HIPK2: variants seen among roughly 807,000 people sequenced by gnomAD.
The protein encoded by HIPK2 is homeodomain-interacting protein kinase 2.
A neutral mutation model predicts 113.7 loss-of-function variants in HIPK2; 27 were observed. The observed-to-expected ratio is 0.24, with a 90% CI of 0.17 to 0.33. The LOEUF is 0.33. HIPK2 is among the 10% of genes least tolerant of loss of function. HIPK2 has a pLI of 1.00. For synonymous variants in HIPK2, 631 were observed against 642.2 expected (o/e 0.98, Z 0.26); for missense variants, 1,257 against 1,588.0 (o/e 0.79, Z 3.54).
chr7:139,595,817 C>T (rs140418695), intron 12 of HIPK2, among the ~76,000 whole-genome samples: 1 of 152,344 alleles, frequency 6.6e-6, no homozygotes, highest in East Asian at 1.9e-4. Context: ...AGTTACATTG[C>T]ATCCAATCAG....
rs1382340894 is a variant in HIPK2 at position 139,600,695 on chromosome 7, G to A, written c.2256-99C>T. 10 of 1,354,306 alleles carry A rather than the reference G, an allele frequency of 7.4e-6. No individual in the cohort carries two copies. The African/African-American group carries it at 1.2e-4, about 16-fold the overall frequency. The allele number at this position is 1,354,306 out of a possible 1,614,324, so 83.9% of individuals were successfully genotyped here. Reference sequence around the variant, plus strand: ...CCTCCCCAATTAAACGCTGACTGCAGTTGGTTATCTCACTAGCTGTGCAGC... The same window carrying A: ...CCTCCCCAATTAAACGCTGACTGCAATTGGTTATCTCACTAGCTGTGCAGC... On this transcript the variant is annotated intron_variant, in intron 10 of 14. Transcript: ENST00000406875.
intron 2 of HIPK2, among the ~76,000 whole-genome samples, chr7:139,712,496 G>A (rs147482368): frequency 1.8e-3 from 278 of 152,302 alleles, no homozygotes; most frequent in African/African-American, 6.2e-3. Flanking sequence ...ACAGGGGGCC[G>A]AGGGGAGAAA....
At position 139,662,597 on chromosome 7, in the gene HIPK2, C is replaced by T. The variant is rs962112174; in HGVS notation, c.1104-30872G>A. ...GTCTCTCCTGTGTACGACTGCCAGG[C>T]GAAGTTTCCTAAAACACCACTTTTT... On this transcript the variant is annotated intron_variant, in intron 2 of 14. Transcript: ENST00000406875. Among the ~76,000 whole-genome samples, 9 of 150,462 alleles carry T rather than the reference C, an allele frequency of 6.0e-5. No individual in the cohort carries two copies. The South Asian group carries it at 8.5e-4, about 14-fold the overall frequency.
chr7:139,766,868 C>G (rs1054649030), intron 1 of HIPK2, among the ~76,000 whole-genome samples: 1 of 152,268 alleles, frequency 6.6e-6, no homozygotes, highest in South Asian at 2.1e-4. Context: ...GCCCCAAGAC[C>G]AAACTGGATG....
In HIPK2 at chr7:139,630,229, C is replaced by T. The variant is rs1379894695; in HGVS notation, c.1347+936G>A. On this transcript the variant is annotated intron_variant, in intron 4 of 14. Coordinates refer to ENST00000406875, the MANE Select transcript of HIPK2 (RefSeq NM_022740.5). The surrounding 1 kb of genome is among the most constrained non-coding windows in gnomAD (Gnocchi z 4.0). ...TGTTTCTGTTAAAGTGAAGCCCCTGCCCCCGGAGTTTCAGGTTTATGGTTA... is the reference window on the plus strand; with the variant it reads ...TGTTTCTGTTAAAGTGAAGCCCCTGTCCCCGGAGTTTCAGGTTTATGGTTA... 6.6e-6 allele frequency among the ~76,000 whole-genome samples: 1 copy of T among 152,070 alleles called. No homozygotes were observed. The highest frequency in any genetic ancestry group is 2.4e-5 in the African/African-American group (1 of 41,410).
intron 2 of HIPK2, among the ~76,000 whole-genome samples, chr7:139,693,628 T>C (rs1484477680): frequency 6.6e-6 from 1 of 152,182 alleles, no homozygotes; most frequent in Non-Finnish European, 1.5e-5. Context: ...CAGATGCTTA[T>C]TAAAATGCCA....
rs1035121929 is a variant in HIPK2, at chr7:139,695,305, G to A, written c.1103+20627C>T. Among the ~76,000 whole-genome samples the A allele has an allele frequency of 4.6e-5, 7 of 152,198 alleles. No homozygotes were observed. The East Asian group carries it at 9.6e-4, about 21-fold the overall frequency. ...CATCAAAGTGACCATCACAGTGGGT[G>A]GCTCAGAACGGAGGGTTAGGCCTCA... On this transcript the variant is annotated intron_variant, in intron 2 of 14. Coordinates refer to ENST00000406875, the MANE Select transcript of HIPK2 (RefSeq NM_022740.5).
Position 139,596,882 on chromosome 7 carries a change from C to T in HIPK2, c.2552G>A (p.Cys851Tyr), listed in dbSNP as rs746097594. ...CCACCCACAGGTGACCGAGGTGCTGCAGGCCGGGCTACTGTGCACCATGGC... is the reference window on the plus strand; with the variant it reads ...CCACCCACAGGTGACCGAGGTGCTGTAGGCCGGGCTACTGTGCACCATGGC... ...RCAMVHSSPA[C>Y]STSVTCGWGD... Residue 851 changes from cysteine to tyrosine, a missense_variant, in exon 12 of 15, where the codon TGC (cysteine) becomes TAC (tyrosine). Transcript: ENST00000406875. 7 of 1,613,952 alleles carry T rather than the reference C, an allele frequency of 4.3e-6. No homozygotes were observed. The highest frequency in any genetic ancestry group is 5.1e-6 in the Non-Finnish European group (6 of 1,179,878).
intron 2 of HIPK2, among the ~76,000 whole-genome samples, chr7:139,680,481 G>GCACCTTACCA (rs1802661186): frequency 6.6e-6 from 1 of 152,164 alleles, no homozygotes; most frequent in Admixed American, 6.5e-5. Flanking sequence ...GGGTTTTGAG[G>GCACCTTACCA]GGATGCTGTT....
chr7:139,723,339 G>A (rs550929342), intron 1 of HIPK2, among the ~76,000 whole-genome samples: 136 of 151,894 alleles, frequency 9.0e-4, no homozygotes, highest in Non-Finnish European at 1.6e-3. Flanking sequence ...GATTATAGAC[G>A]TGCGCCACCA....
chr7:139,577,464 C>A (rs188366442), intron 13 of HIPK2, among the ~76,000 whole-genome samples: 59 of 152,088 alleles, frequency 3.9e-4, no homozygotes, highest in African/African-American at 1.3e-3. Context: ...CACTGGGCTT[C>A]TTTAGGAGCA....
chr7:139,742,796 G>C (rs1452716221), intron 1 of HIPK2, among the ~76,000 whole-genome samples: 1 of 152,096 alleles, frequency 6.6e-6, no homozygotes, highest in Non-Finnish European at 1.5e-5. Context: ...CACATCTAGG[G>C]GTATCTTCTC....
intron 1 of HIPK2, among the ~76,000 whole-genome samples, chr7:139,722,779 C>T (rs1322805697): frequency 6.6e-6 from 1 of 152,058 alleles, no homozygotes; most frequent in Admixed American, 6.6e-5. Context: ...ACTTTGAAAA[C>T]TGGGAAGTCA....
chr7:139,562,553 G>C lies in HIPK2; in HGVS notation c.*10374C>G, dbSNP rs990345759. ...TCAGAGGCTGCAGCTCAGTACACGTGGTCAAAGCAAAACGGGATGGAAACT... is the reference window on the plus strand; with the variant it reads ...TCAGAGGCTGCAGCTCAGTACACGTCGTCAAAGCAAAACGGGATGGAAACT... On this transcript the variant is annotated 3_prime_UTR_variant, in exon 15 of 15. Coordinates refer to ENST00000406875, the MANE Select transcript of HIPK2 (RefSeq NM_022740.5). 2 of 152,196 alleles carry C rather than the reference G, an allele frequency of 1.3e-5. No homozygotes were observed. Among genetic ancestry groups the C allele is most frequent in the African/African-American group, 4.8e-5 (2 of 41,436 alleles). 9.4% of individuals were successfully genotyped at this position (152,196 alleles called of 1,614,324 possible).
intron 2 of HIPK2, among the ~76,000 whole-genome samples, chr7:139,636,587 G>A (rs182624623): frequency 1.7e-3 from 252 of 152,254 alleles, no homozygotes; most frequent in Admixed American, 3.4e-3. Context: ...GAAAAGGGAG[G>A]AAGAGATTGG....
intron 1 of HIPK2, among the ~76,000 whole-genome samples, chr7:139,753,064 C>A (rs1796306530): frequency 6.6e-6 from 1 of 152,216 alleles, no homozygotes; most frequent in Admixed American, 6.5e-5. Context: ...TCTCCTGTCC[C>A]TCTTTACAGT....
intron 2 of HIPK2, among the ~76,000 whole-genome samples, chr7:139,675,182 T>C (rs1366773141): frequency 6.6e-6 from 1 of 150,908 alleles, no homozygotes; most frequent in African/African-American, 2.4e-5. Context: ...TGAGGGAGAG[T>C]ATGTTTTCTT....
At position 139,631,968 on chromosome 7, in the gene HIPK2, C is replaced by T. The variant is rs1330699475; in HGVS notation, c.1104-243G>A. Among the ~76,000 whole-genome samples, 1 of 152,210 alleles carries T rather than the reference C, an allele frequency of 6.6e-6. No homozygotes were observed. Among genetic ancestry groups the T allele is most frequent in the Non-Finnish European group, 1.5e-5 (1 of 68,040 alleles). On this transcript the variant is annotated intron_variant, in intron 2 of 14. Coordinates refer to ENST00000406875, the MANE Select transcript of HIPK2 (RefSeq NM_022740.5). This position sits in a 1 kb window ranked among gnomAD's most constrained non-coding sequence, Gnocchi z 4.9. ...AGGATAAGTCTGTGTGTTTAGAACA[C>T]ACCTACAGAGAACCACGTCTACTGA...
At chr7:139,617,126 C>T (rs1800079816) in intron 7 of HIPK2, among the ~76,000 whole-genome samples, 1 of 152,232 alleles carries the variant, frequency 6.6e-6, no homozygotes, top group Non-Finnish European at 1.5e-5. Context: ...TCTGTATATC[C>T]TCCTTTAGCT....
Sources: gnomAD v4.1 joint callset for allele counts (sites outside exome capture counted in the v4.1 genomes callset) on GRCh38, gnomAD v4.1.1 for gene constraint, Gnocchi (gnomAD v3.1) non-coding constraint, MANE v1.5 for transcripts, NCBI Gene and HGNC (gene_info 2026-07-23, HGNC 2026-07-21) for gene names.